Variants in GRIN2B observed in about 807,000 individuals in gnomAD.
GRIN2B encodes glutamate receptor ionotropic, NMDA 2B.
GRIN2B carries 5 observed loss-of-function variants against 114.5 expected under a neutral mutation model. That is an observed-to-expected ratio of 0.04 (90% confidence interval 0.02 to 0.09). The LOEUF (loss-of-function observed/expected upper bound fraction) is 0.09. Ranked by LOEUF, GRIN2B falls within the 10% of genes least tolerant of loss-of-function variation. The pLI is 1.00. For missense variants in GRIN2B, 1,108 were observed against 1,943.5 expected, an observed-to-expected ratio of 0.57 and a Z score of 8.08; for synonymous variants, 787 against 745.1, an observed-to-expected ratio of 1.06 and a Z score of -0.92.
chr12:13,580,593 G>C (rs1948834611), intron 10 of GRIN2B, among the ~76,000 whole-genome samples: 1 of 152,170 alleles, frequency 6.6e-6, no homozygotes, highest in South Asian at 2.1e-4. Flanking sequence ...CTTTGGGCCT[G>C]GGCTAATTAT....
intron 3 of GRIN2B, among the ~76,000 whole-genome samples, chr12:13,822,498 T>C (rs1027038901): frequency 1.6e-4 from 24 of 152,202 alleles, no homozygotes; most frequent in African/African-American, 5.5e-4. Flanking sequence ...GTAAATATGA[T>C]AGAATAAGAC....
chr12:13,668,123 T>G (rs1949994287), intron 5 of GRIN2B, among the ~76,000 whole-genome samples: 1 of 152,222 alleles, frequency 6.6e-6, no homozygotes, highest in Non-Finnish European at 1.5e-5. Context: ...CTTTTGGCTT[T>G]GGGAACACTT....
intron 2 of GRIN2B, among the ~76,000 whole-genome samples, chr12:13,896,520 G>A (rs150564242): frequency 7.2e-5 from 11 of 152,120 alleles, no homozygotes; most frequent in Non-Finnish European, 1.2e-4. Flanking sequence ...CCATAGTGGC[G>A]CCTGTAACGT....
At chr12:13,607,498 G>T in intron 10 of GRIN2B, among the ~76,000 whole-genome samples, 1 of 116,074 alleles carries the variant, frequency 8.6e-6, no homozygotes, top group East Asian at 2.4e-4. Flanking sequence ...CTTTTCTCAA[G>T]ATACTATTTA....
intron 2 of GRIN2B, among the ~76,000 whole-genome samples, chr12:13,877,199 G>T (rs1399366465): frequency 1.3e-5 from 2 of 152,156 alleles, no homozygotes; most frequent in African/African-American, 4.8e-5. Context: ...GGATGGTTCT[G>T]CTGATGGAAC....
chr12:13,907,744 T>C (rs1480460944), intron 2 of GRIN2B, among the ~76,000 whole-genome samples: 2 of 151,906 alleles, frequency 1.3e-5, no homozygotes, highest in Admixed American at 1.3e-4. Context: ...AGCTGTATAT[T>C]TGAGATGAGT....
intron 3 of GRIN2B, among the ~76,000 whole-genome samples, chr12:13,798,549 T>C (rs1073212): frequency 0.045 from 6,885 of 152,270 alleles, 232 homozygotes; most frequent in African/African-American, 0.099. Flanking sequence ...CCCCAAAATA[T>C]ACTATAAAAT....
intron 3 of GRIN2B, among the ~76,000 whole-genome samples, chr12:13,779,648 G>A (rs1293892879): frequency 6.6e-6 from 1 of 152,102 alleles, no homozygotes; most frequent in Admixed American, 6.5e-5. Context: ...TTAATTCCTA[G>A]TGTGTATTTT....
intron 3 of GRIN2B, among the ~76,000 whole-genome samples, chr12:13,772,279 A>G (rs1243932907): frequency 2.0e-5 from 3 of 152,104 alleles, no homozygotes; most frequent in Admixed American, 6.5e-5. Context: ...CCACTTCACT[A>G]TCTTAAGGAA....
intron 2 of GRIN2B, among the ~76,000 whole-genome samples, chr12:13,976,503 C>A (rs1863022098): frequency 6.6e-6 from 1 of 152,166 alleles, no homozygotes; most frequent in African/African-American, 2.4e-5. Context: ...TTGTCGGCCC[C>A]AGTCTTCAAT....
chr12:13,685,123 T>G (rs1003674940), intron 4 of GRIN2B, among the ~76,000 whole-genome samples: 1 of 152,218 alleles, frequency 6.6e-6, no homozygotes, highest in African/African-American at 2.4e-5. Context: ...CGGAAAAGAA[T>G]AAGAAGGCTT....
intron 2 of GRIN2B, among the ~76,000 whole-genome samples, chr12:13,926,938 C>T (rs1345892442): frequency 7.0e-6 from 1 of 143,806 alleles, no homozygotes; most frequent in Non-Finnish European, 1.5e-5. Context: ...GGGGACAGAG[C>T]GCGACTCCGT....
chr12:13,719,982 C>A (rs1201153749), intron 4 of GRIN2B, among the ~76,000 whole-genome samples: 5 of 151,984 alleles, frequency 3.3e-5, no homozygotes, highest in African/African-American at 1.2e-4. Context: ...ACAACTATCC[C>A]AAACCATGGG....
chr12:13,859,259 C>T (rs528448213), intron 3 of GRIN2B, among the ~76,000 whole-genome samples: 31 of 152,154 alleles, frequency 2.0e-4, no homozygotes, highest in Non-Finnish European at 4.1e-4. Flanking sequence ...TTTTAGACAC[C>T]ATCACGTCCC....
chr12:13,544,633 C>T lies in GRIN2B; in HGVS notation c.*18150G>A, dbSNP rs1347050159. On this transcript the variant is annotated 3_prime_UTR_variant, in exon 14 of 14. Transcript: ENST00000609686. ...CAGGATTCCTGTCTTACACTGATGG[C>T]AACTCCAAACTTTCAATAGCTCAGG... 1.3e-5 allele frequency: 2 copies of T among 152,192 alleles called. No individual in the cohort carries two copies. Among genetic ancestry groups the T allele is most frequent in the Non-Finnish European group, 2.9e-5 (2 of 68,046 alleles). 9.4% of individuals were successfully genotyped at this position (152,192 alleles called of 1,614,324 possible). A position where few individuals can be genotyped will look rare whatever the true frequency, so the allele number is the denominator to read the frequency against.
At chr12:13,938,306 A>G (rs1867166103) in intron 2 of GRIN2B, among the ~76,000 whole-genome samples, 1 of 152,094 alleles carries the variant, frequency 6.6e-6, no homozygotes. Context: ...GCAAGACCCA[A>G]CTATATGTTA....
At chr12:13,713,492 A>T (rs1950431318) in intron 4 of GRIN2B, among the ~76,000 whole-genome samples, 5 of 151,922 alleles carry the variant, frequency 3.3e-5, no homozygotes, top group Admixed American at 2.6e-4. Flanking sequence ...AAATTATTTA[A>T]GCAGAAATCA....
chr12:13,955,653 A>G (rs1040051254), intron 2 of GRIN2B, among the ~76,000 whole-genome samples: 1 of 152,148 alleles, frequency 6.6e-6, no homozygotes, highest in Non-Finnish European at 1.5e-5. Flanking sequence ...CATCATGTAC[A>G]CTGGAGCCGG....
chr12:13,976,196 A>G (rs561272573), intron 2 of GRIN2B, among the ~76,000 whole-genome samples: 3 of 152,274 alleles, frequency 2.0e-5, no homozygotes, highest in South Asian at 2.1e-4. Context: ...CAATTCAACC[A>G]CTAATCTACT....
Sources: allele counts gnomAD v4.1 joint callset (sites outside exome capture counted in the v4.1 genomes callset), GRCh38; gene constraint gnomAD v4.1.1; transcripts MANE v1.5; gene names NCBI Gene and HGNC (gene_info 2026-07-23, HGNC 2026-07-21).